The following PKP2 variants were observed in gnomAD, a reference collection of about 807,000 sequenced individuals.
PKP2 encodes the protein plakophilin-2.
A neutral mutation model predicts 83.4 loss-of-function variants in PKP2; 73 were observed. The ratio of observed to expected loss-of-function variants is 0.88; its 90% CI spans 0.72 to 1.06. The LOEUF (loss-of-function observed/expected upper bound fraction) is 1.06. PKP2 is among the 50% of genes least tolerant of loss of function. The probability of loss-of-function intolerance (pLI) is 0.00; values close to 1 mark genes in which losing one functional copy is unlikely to be tolerated. For synonymous variants in PKP2, 409 were observed against 430.4 expected, an observed-to-expected ratio of 0.95 and a Z score of 0.62; for missense variants, 966 against 1,065.4, an observed-to-expected ratio of 0.91 and a Z score of 1.30.
intron 6 of PKP2, among the ~76,000 whole-genome samples, chr12:32,825,533 A>G (rs1431022555): frequency 6.6e-6 from 1 of 152,106 alleles, no homozygotes; most frequent in Non-Finnish European, 1.5e-5. Context: ...TTTTCTTTAT[A>G]ATGTGTTAGT....
chr12:32,797,834 G>T (rs1956142785), intron 10 of PKP2, among the ~76,000 whole-genome samples: 1 of 151,900 alleles, frequency 6.6e-6, no homozygotes, highest in Non-Finnish European at 1.5e-5. Flanking sequence ...GGGATTAGAA[G>T]CGTGAGCTAC....
intron 5 of PKP2, among the ~76,000 whole-genome samples, chr12:32,842,281 C>A (rs78734582): frequency 1.3e-5 from 2 of 152,034 alleles, no homozygotes; most frequent in African/African-American, 4.8e-5. Flanking sequence ...ACTCTATTGC[C>A]CATGCTGGAG....
At position 32,896,678 on chromosome 12, in the gene PKP2, G is replaced by T; in HGVS notation, c.54C>A (p.Gly18=). 6.5e-7 allele frequency: 1 copy of T among 1,547,204 alleles called. No individual in the cohort carries two copies. Among genetic ancestry groups the T allele is most frequent in the Non-Finnish European group, 8.7e-7 (1 of 1,155,366 alleles). Residue 18 remains glycine (G), a synonymous_variant, in exon 1 of 13, where the codon GGC becomes GGA. Transcript: ENST00000340811. ...AEYGYIRTVL[G]QQILGQLDSS... ...TGTCCAGTTGTCCCAGGATCTGCTG[G>T]CCCAGGACGGTCCGGATGTAGCCGT...
intron 3 of PKP2, among the ~76,000 whole-genome samples, chr12:32,875,767 G>A (rs1956926642): frequency 6.6e-6 from 1 of 152,160 alleles, no homozygotes; most frequent in Non-Finnish European, 1.5e-5. Context: ...TGACTTCCAG[G>A]TTTGAAAATA....
intron 1 of PKP2, among the ~76,000 whole-genome samples, chr12:32,885,669 C>CA (rs1400967961): frequency 3.6e-4 from 52 of 144,902 alleles, no homozygotes; most frequent in East Asian, 6.0e-4. Context: ...GTCCCCCCCC[C>CA]AAAAAAAAAA....
At chr12:32,819,297 AC>A (rs1565579784) in intron 9 of PKP2, among the ~76,000 whole-genome samples, 2 of 18,876 alleles carry the variant, frequency 1.1e-4, no homozygotes, top group Non-Finnish European at 4.5e-4. Flanking sequence ...ACAATACAAT[AC>A]AATACAATAC....
At chr12:32,806,066 T>C (rs567974313) in intron 9 of PKP2, among the ~76,000 whole-genome samples, 1 of 152,346 alleles carries the variant, frequency 6.6e-6, no homozygotes, top group African/African-American at 2.4e-5. Context: ...TGAAACCCAC[T>C]TGATGGTGGT....
At chr12:32,895,318 T>C (rs1159514752) in intron 1 of PKP2, among the ~76,000 whole-genome samples, 1 of 152,228 alleles carries the variant, frequency 6.6e-6, no homozygotes, top group Non-Finnish European at 1.5e-5. Context: ...TATGTTAATA[T>C]TGACTACGTC....
intron 9 of PKP2, among the ~76,000 whole-genome samples, chr12:32,806,906 C>G (rs1956231077): frequency 6.6e-6 from 1 of 152,156 alleles, no homozygotes; most frequent in South Asian, 2.1e-4. Flanking sequence ...TACACTGTCT[C>G]TTTGTTCTCA....
At chr12:32,881,095 G>A (rs989237748) in intron 1 of PKP2, among the ~76,000 whole-genome samples, 2 of 152,160 alleles carry the variant, frequency 1.3e-5, no homozygotes, top group Admixed American at 1.3e-4. Flanking sequence ...TTCAAGGGGA[G>A]GGAGAATGGT....
At chr12:32,792,774 G>A (rs1186011236) in intron 11 of PKP2, 43 bp from the exon 12 acceptor site, 1 of 1,510,492 alleles carries the variant, frequency 6.6e-7, no homozygotes, top group Admixed American at 1.7e-5. Context: ...GAATGAGTGA[G>A]GCTTCTGGAT....
intron 1 of PKP2, among the ~76,000 whole-genome samples, chr12:32,886,408 T>C (rs992610979): frequency 2.0e-5 from 3 of 152,208 alleles, no homozygotes; most frequent in African/African-American, 7.2e-5. Flanking sequence ...TTAAAGTCAT[T>C]TACTAGCAAT....
intron 4 of PKP2, among the ~76,000 whole-genome samples, chr12:32,854,394 A>G (rs1345038444): frequency 6.6e-6 from 1 of 152,228 alleles, no homozygotes; most frequent in African/African-American, 2.4e-5. Context: ...ACTTATCCCA[A>G]GCTTAAAAAT....
intron 3 of PKP2, among the ~76,000 whole-genome samples, chr12:32,876,813 G>T (rs1276827201): frequency 6.6e-6 from 1 of 152,076 alleles, no homozygotes; most frequent in African/African-American, 2.4e-5. Flanking sequence ...TACAGGCCTG[G>T]GCCACTGCTC....
intron 4 of PKP2, among the ~76,000 whole-genome samples, chr12:32,864,333 C>T (rs926977598): frequency 6.9e-6 from 1 of 145,786 alleles, no homozygotes; most frequent in African/African-American, 2.7e-5. Context: ...CACACACACA[C>T]ACACATACAC....
chr12:32,847,317 C>T (rs1296633090), intron 5 of PKP2, among the ~76,000 whole-genome samples: 2 of 152,160 alleles, frequency 1.3e-5, no homozygotes, highest in Non-Finnish European at 2.9e-5. Context: ...GTTCAATTAG[C>T]ATGTAATGAA....
At chr12:32,799,101 G>T (rs1056283419) in intron 10 of PKP2, among the ~76,000 whole-genome samples, 1 of 152,110 alleles carries the variant, frequency 6.6e-6, no homozygotes, top group South Asian at 2.1e-4. Flanking sequence ...AGTGGGCTAA[G>T]GACATGAATA....
At position 32,850,765 on chromosome 12, in the gene PKP2, C is replaced by T. The variant is rs397516994; in HGVS notation, c.1378+1G>A. On this transcript the variant is annotated splice_donor_variant, in intron 5 of 12. Transcript: ENST00000340811. LOFTEE classifies it high-confidence loss of function. ...GTTCTTCAATGTTCAGTAAGCACTACCTGTTATTTGTTTTTTAGTCTCCAA... is the reference window on the plus strand; with the variant it reads ...GTTCTTCAATGTTCAGTAAGCACTATCTGTTATTTGTTTTTTAGTCTCCAA... 3 of 1,609,914 alleles carry T rather than the reference C, an allele frequency of 1.9e-6. No individual in the cohort carries two copies. The highest frequency in any genetic ancestry group is 1.7e-6 in the Non-Finnish European group (2 of 1,177,784).
At chr12:32,857,266 A>G (rs1374798063) in intron 4 of PKP2, among the ~76,000 whole-genome samples, 1 of 152,152 alleles carries the variant, frequency 6.6e-6, no homozygotes, top group Non-Finnish European at 1.5e-5. Flanking sequence ...TGCACAAAAA[A>G]TGTTTAAAAA....
Sources: gnomAD v4.1 joint callset for allele counts (sites outside exome capture counted in the v4.1 genomes callset) on GRCh38, gnomAD v4.1.1 for gene constraint, MANE v1.5 for transcripts, NCBI Gene and HGNC (gene_info 2026-07-23, HGNC 2026-07-21) for gene names.